The following RARB variants were observed in gnomAD, a reference collection of about 807,000 sequenced individuals.
RARB encodes the protein HBV-activated protein.
RARB carries 17 observed loss-of-function variants against 51.9 expected under a neutral mutation model. That is an observed-to-expected ratio of 0.33 (90% confidence interval 0.22 to 0.49). The LOEUF is 0.49. RARB is among the 20% of genes least tolerant of loss of function. RARB has a pLI of 0.99. For synonymous variants in RARB, 215 were observed against 195.4 expected (o/e 1.10, Z -0.84); for missense variants, 369 against 550.8 (o/e 0.67, Z 3.30).
chr3:25,152,399 T>C (rs1700301723), intron 4 of RARB, among the ~76,000 whole-genome samples: 1 of 152,168 alleles, frequency 6.6e-6, no homozygotes, highest in Non-Finnish European at 1.5e-5. Context: ...TCTGTTCTTC[T>C]TGGGTCCAAA....
chr3:24,986,014 C>A (rs1295782566), intron 2 of RARB, among the ~76,000 whole-genome samples: 1 of 152,218 alleles, frequency 6.6e-6, no homozygotes. Flanking sequence ...TATGAGCATA[C>A]TTTTCTCCCC....
chr3:25,169,194 T>C (rs1700604420), intron 4 of RARB, among the ~76,000 whole-genome samples: 1 of 152,060 alleles, frequency 6.6e-6, no homozygotes, highest in African/African-American at 2.4e-5. Flanking sequence ...AGAAAACTCT[T>C]AGGAAAAAAG....
At chr3:25,058,759 T>C (rs1698490675) in intron 2 of RARB, among the ~76,000 whole-genome samples, 3 of 151,792 alleles carry the variant, frequency 2.0e-5, no homozygotes, top group South Asian at 2.1e-4. Flanking sequence ...AAATTTGTTA[T>C]TGGATTCCAT....
At chr3:25,191,208 C>G (rs903380276) in intron 5 of RARB, among the ~76,000 whole-genome samples, 2 of 152,094 alleles carry the variant, frequency 1.3e-5, no homozygotes, top group African/African-American at 4.8e-5. Context: ...TATATAGACT[C>G]TGTTACTCAC....
chr3:25,259,450 T>C (rs1702944994), intron 5 of RARB, among the ~76,000 whole-genome samples: 1 of 152,174 alleles, frequency 6.6e-6, no homozygotes, highest in South Asian at 2.1e-4. Context: ...ATCTTCTGTA[T>C]AATTCTCCAT....
Position 25,157,350 on chromosome 3 carries a change from TTG to T in RARB, c.-279-16739_-279-16738del, listed in dbSNP as rs748559000. Among the ~76,000 whole-genome samples, 132 of 145,036 alleles carry T rather than the reference TTG, an allele frequency of 9.1e-4. 2 individuals are homozygous for T. Among genetic ancestry groups the T allele is most frequent in the African/African-American group, 2.0e-3 (77 of 39,074 alleles). The stretch of plus-strand genomic sequence containing the variant: ...GAGGCACAGTTCTGAGTGTGTGTGT[TTG>T]TGTGTGTGTGTGTGTGTGTGTGTGT... On this transcript the variant is annotated intron_variant, in intron 4 of 11. Transcript: ENST00000383772.
intron 5 of RARB, among the ~76,000 whole-genome samples, chr3:25,293,501 C>G (rs1703838158): frequency 6.7e-6 from 1 of 149,770 alleles, no homozygotes; most frequent in Middle Eastern, 3.3e-3. Context: ...ATGCCTATTA[C>G]CCAACATACA....
chr3:25,114,879 A>G (rs57828525), intron 3 of RARB, among the ~76,000 whole-genome samples: 18,799 of 152,272 alleles, frequency 0.12, 1,549 homozygotes, highest in South Asian at 0.28. Flanking sequence ...GATATTGTAT[A>G]AAATGAAAAG....
intron 2 of RARB, among the ~76,000 whole-genome samples, chr3:24,909,435 C>G (rs1002171976): frequency 6.6e-6 from 1 of 152,098 alleles, no homozygotes; most frequent in East Asian, 1.9e-4. Context: ...TTCACTGACG[C>G]GGGTGAATGC....
intron 5 of RARB, among the ~76,000 whole-genome samples, chr3:25,202,733 A>G (rs546876221): frequency 7.2e-5 from 11 of 152,316 alleles, no homozygotes; most frequent in Non-Finnish European, 1.5e-4. Context: ...GTTTCCATGT[A>G]GTTGAGCAGT....
At chr3:25,474,869 T>G (rs988496041) in intron 2 of RARB, among the ~76,000 whole-genome samples, 1 of 152,198 alleles carries the variant, frequency 6.6e-6, no homozygotes, top group African/African-American at 2.4e-5. Flanking sequence ...ATGCCCTACT[T>G]AAATGCATGT....
At chr3:25,574,149 T>C (rs1371669541) in intron 4 of RARB, among the ~76,000 whole-genome samples, 2 of 152,250 alleles carry the variant, frequency 1.3e-5, no homozygotes, top group Non-Finnish European at 2.9e-5. Flanking sequence ...ATCCTCGCTC[T>C]GAGGACGTGT....
At position 25,414,927 on chromosome 3, in the gene RARB, C is replaced by T. The variant is rs370041748; in HGVS notation, c.179-46266C>T. On this transcript the variant is annotated intron_variant, in intron 5 of 11. Transcript: ENST00000383772. ...TGTTATCTTGGCTCACTGCAACCTC[C>T]ACCTCCTGGGTTCAAGCAATTCTCC... Among the ~76,000 whole-genome samples the T allele has an allele frequency of 8.5e-4, 129 of 152,242 alleles. 2 individuals carry two copies. In the South Asian group the frequency reaches 0.022, roughly 26 times the overall value.
intron 5 of RARB, among the ~76,000 whole-genome samples, chr3:25,199,591 A>G (rs1273257377): frequency 1.3e-5 from 2 of 151,848 alleles, no homozygotes; most frequent in East Asian, 1.9e-4. Context: ...TCCTAATGCT[A>G]TCCCTTCCCC....
At chr3:25,499,498 A>G (rs948722541) in intron 2 of RARB, among the ~76,000 whole-genome samples, 3 of 152,208 alleles carry the variant, frequency 2.0e-5, no homozygotes, top group African/African-American at 7.2e-5. Context: ...GCAAAGCTGT[A>G]TGTAGAAACG....
intron 2 of RARB, among the ~76,000 whole-genome samples, chr3:24,865,013 G>A (rs534105729): frequency 7.9e-5 from 12 of 152,130 alleles, no homozygotes; most frequent in Non-Finnish European, 1.3e-4. Flanking sequence ...TAAATCTCTC[G>A]TCTCCATCGA....
intron 5 of RARB, among the ~76,000 whole-genome samples, chr3:25,247,720 C>A (rs1702600126): frequency 6.6e-6 from 1 of 152,242 alleles, no homozygotes; most frequent in South Asian, 2.1e-4. Context: ...CACCCGCCTT[C>A]TGCGTTGGCC....
chr3:24,844,279 C>T (rs1219296404), intron 1 of RARB, among the ~76,000 whole-genome samples: 1 of 152,228 alleles, frequency 6.6e-6, no homozygotes, highest in Non-Finnish European at 1.5e-5. Context: ...GGCCTGGGAG[C>T]ACTTTTTTTT....
At chr3:25,463,887 C>G (rs1422535399) in intron 2 of RARB, among the ~76,000 whole-genome samples, 1 of 152,112 alleles carries the variant, frequency 6.6e-6, no homozygotes, top group Non-Finnish European at 1.5e-5. Flanking sequence ...TAGATTCTGA[C>G]ATGGTAGTCA....
Sources: gnomAD v4.1 joint callset for allele counts (sites outside exome capture counted in the v4.1 genomes callset) on GRCh38, gnomAD v4.1.1 for gene constraint, MANE v1.5 for transcripts, NCBI Gene and HGNC (gene_info 2026-07-23, HGNC 2026-07-21) for gene names.